Variants in USP24 observed in about 807,000 individuals in gnomAD.
USP24 encodes the protein ubiquitin carboxyl-terminal hydrolase 24.
Under a neutral mutation model 361.6 loss-of-function variants are expected in USP24, and 97 were observed. That is an observed-to-expected ratio of 0.27 (90% confidence interval 0.23 to 0.32). The LOEUF (loss-of-function observed/expected upper bound fraction) is 0.32. Among genes scored for constraint, USP24 ranks in the 10% least tolerant of loss-of-function variants. The pLI is 1.00. For synonymous variants in USP24, 1,098 were observed against 1,124.6 expected (o/e 0.98, Z 0.47); for missense variants, 2,353 against 3,165.6 (o/e 0.74, Z 6.16).
At chr1:55,094,585 A>G (rs149994486) in intron 51 of USP24, among the ~76,000 whole-genome samples, 1 of 152,234 alleles carries the variant, frequency 6.6e-6, no homozygotes, top group African/African-American at 2.4e-5. Context: ...CCAATATATT[A>G]AAAGGCAAAT....
At chr1:55,213,009 A>C (rs1644885885) in intron 1 of USP24, among the ~76,000 whole-genome samples, 1 of 152,242 alleles carries the variant, frequency 6.6e-6, no homozygotes, top group Admixed American at 6.5e-5. Context: ...CAAGCATTGT[A>C]ATTTAAATTG....
intron 1 of USP24, among the ~76,000 whole-genome samples, chr1:55,209,481 T>A (rs1396563505): frequency 1.3e-5 from 2 of 152,148 alleles, no homozygotes; most frequent in African/African-American, 4.8e-5. Context: ...GCTTTCCTGT[T>A]CCCTCCTTGA....
chr1:55,180,628 T>C (rs1643938588), intron 1 of USP24, among the ~76,000 whole-genome samples: 2 of 152,208 alleles, frequency 1.3e-5, no homozygotes, highest in African/African-American at 2.4e-5. Context: ...CCTGAACTCA[T>C]CTTTCTGTTC....
At chr1:55,088,327 G>A (rs866689998) in intron 55 of USP24, among the ~76,000 whole-genome samples, 12 of 152,218 alleles carry the variant, frequency 7.9e-5, no homozygotes, top group African/African-American at 2.9e-4. Context: ...AGAGACTTGC[G>A]TTTCTGAATT....
intron 38 of USP24, among the ~76,000 whole-genome samples, chr1:55,116,022 T>C (rs1646105603): frequency 6.6e-6 from 1 of 151,188 alleles, no homozygotes; most frequent in African/African-American, 2.4e-5. Flanking sequence ...TGTCGGGGGG[T>C]GGGCAGGCTA....
At position 55,069,215 on chromosome 1, in the gene USP24, A is replaced by G. The variant is rs148811694; in HGVS notation, c.7801-108T>C. On this transcript the variant is annotated intron_variant, in intron 67 of 67. Coordinates refer to ENST00000294383, the MANE Select transcript of USP24 (RefSeq NM_015306.3). Reference sequence around the variant, plus strand: ...TGTCTTCATCTGGCAACTTAATGCAATGTTTATCAAAGGGTAATAAAATGT... The same window carrying G: ...TGTCTTCATCTGGCAACTTAATGCAGTGTTTATCAAAGGGTAATAAAATGT... 33 of 1,033,972 alleles carry G rather than the reference A, an allele frequency of 3.2e-5. No homozygotes were observed. In the East Asian group the frequency reaches 7.1e-4, roughly 22 times the overall value. The allele number at this position is 1,033,972 out of a possible 1,614,324, so 64.0% of individuals were successfully genotyped here.
intron 1 of USP24, among the ~76,000 whole-genome samples, chr1:55,189,780 TA>T (rs1644237143): frequency 6.6e-6 from 1 of 152,108 alleles, no homozygotes; most frequent in East Asian, 1.9e-4. Context: ...AAAGTGGGTA[TA>T]TATCTAAGAA....
At chr1:55,152,017 A>G (rs974839487) in intron 16 of USP24, 2 of 984,378 alleles carry the variant, frequency 2.0e-6, no homozygotes, top group African/African-American at 3.5e-5. Flanking sequence ...CCTTTAGTGG[A>G]AGTAAATAAT....
chr1:55,191,744 G>A (rs979699927), intron 1 of USP24, among the ~76,000 whole-genome samples: 1 of 151,896 alleles, frequency 6.6e-6, no homozygotes, highest in East Asian at 1.9e-4. Context: ...CCCGCCTCTG[G>A]CTCCCAAAGC....
intron 9 of USP24, among the ~76,000 whole-genome samples, chr1:55,159,310 G>C (rs142187659): frequency 6.6e-6 from 1 of 152,170 alleles, no homozygotes; most frequent in Non-Finnish European, 1.5e-5. Context: ...TGGGTAAGTT[G>C]TAACACTGTA....
intron 1 of USP24, among the ~76,000 whole-genome samples, chr1:55,196,879 A>G (rs1644434350): frequency 6.6e-6 from 1 of 152,158 alleles, no homozygotes; most frequent in Non-Finnish European, 1.5e-5. Context: ...CTCCTCCAAC[A>G]TGCCAGCCCT....
In USP24 at chr1:55,101,159, C is replaced by A. The variant is rs1474677112; in HGVS notation, c.5146-195G>T. 2.0e-5 allele frequency among the ~76,000 whole-genome samples: 3 copies of A among 152,132 alleles called. No individual in the cohort carries two copies. The South Asian group carries it at 6.2e-4, about 32-fold the overall frequency. On this transcript the variant is annotated intron_variant, in intron 43 of 67. Transcript: ENST00000294383. Reference sequence around the variant, plus strand: ...TATGAAAAAATCATGTCCTTAAACTCTGATTATGAAAAACTGGTCTAGTAA... The same window carrying A: ...TATGAAAAAATCATGTCCTTAAACTATGATTATGAAAAACTGGTCTAGTAA...
At chr1:55,119,204 G>T (rs1047472781) in intron 38 of USP24, among the ~76,000 whole-genome samples, 3 of 152,192 alleles carry the variant, frequency 2.0e-5, no homozygotes, top group Non-Finnish European at 4.4e-5. Flanking sequence ...TACAAATATG[G>T]TTTATACATA....
intron 1 of USP24, among the ~76,000 whole-genome samples, chr1:55,196,477 C>A (rs1644421751): frequency 6.6e-6 from 1 of 152,028 alleles, no homozygotes; most frequent in African/African-American, 2.4e-5. Context: ...ACTGTAATAT[C>A]TAAGATTGTT....
At chr1:55,135,961 A>G (rs1646723229) in intron 28 of USP24, among the ~76,000 whole-genome samples, 1 of 152,226 alleles carries the variant, frequency 6.6e-6, no homozygotes, top group African/African-American at 2.4e-5. Flanking sequence ...ATCATGTTCT[A>G]GGCACTGTTT....
intron 16 of USP24, 125 bp from the exon 17 acceptor site, chr1:55,148,695 T>A: frequency 2.9e-6 from 2 of 679,012 alleles, no homozygotes; most frequent in South Asian, 4.2e-5. Context: ...ACTCTTTATA[T>A]TGACCATTTA....
At chr1:55,205,578 A>G (rs901887578) in intron 1 of USP24, among the ~76,000 whole-genome samples, 6 of 152,230 alleles carry the variant, frequency 3.9e-5, no homozygotes, top group Admixed American at 1.3e-4. Context: ...CTGTATTTCA[A>G]TTAGATAAAA....
intron 32 of USP24, among the ~76,000 whole-genome samples, chr1:55,128,958 A>C (rs1646516804): frequency 6.6e-6 from 1 of 152,042 alleles, no homozygotes; most frequent in African/African-American, 2.4e-5. Context: ...GGGCTCAAGC[A>C]ATCCTCCTGC....
At chr1:55,107,518 G>T in intron 39 of USP24, 88 bp from the exon 40 acceptor site, 1 of 1,373,338 alleles carries the variant, frequency 7.3e-7, no homozygotes. Flanking sequence ...GCAAAGTCAA[G>T]CCCCAATCTT....
Sources: allele counts gnomAD v4.1 joint callset (sites outside exome capture counted in the v4.1 genomes callset), GRCh38; gene constraint gnomAD v4.1.1; transcripts MANE v1.5; gene names NCBI Gene and HGNC (gene_info 2026-07-23, HGNC 2026-07-21).